STARD4: variants seen among roughly 807,000 people sequenced by gnomAD.
STARD4 encodes the protein stAR-related lipid transfer protein 4.
A neutral mutation model predicts 24.9 loss-of-function variants in STARD4; 33 were observed. That is an observed-to-expected ratio of 1.32 (90% CI 1.00 to 1.77). The LOEUF is 1.77. STARD4 is among the 40% of genes most tolerant of loss of function. The pLI, the probability that STARD4 is intolerant of heterozygous loss-of-function variation, is 0.00. For synonymous variants in STARD4, 88 were observed against 77.4 expected (o/e 1.14, Z -0.72); for missense variants, 238 against 249.3 (o/e 0.95, Z 0.31).
Position 111,501,128 on chromosome 5 carries a change from G to C in STARD4, c.283-12C>G. 1.3e-6 allele frequency: 2 copies of C among 1,584,616 alleles called. No individual in the cohort carries two copies. The highest frequency in any genetic ancestry group is 8.5e-7 in the Non-Finnish European group (1 of 1,170,488). On this transcript the variant is annotated splice_polypyrimidine_tract_variant and intron_variant, in intron 4 of 5. Coordinates refer to ENST00000296632, the MANE Select transcript of STARD4 (RefSeq NM_139164.3). The stretch of plus-strand genomic sequence containing the variant: ...ATCACACAGCAATTCTGAAAAAGAA[G>C]AGATAAGACAAGTGTTACTACTATA...
At chr5:111,511,452 G>C (rs532206389) in intron 1 of STARD4, among the ~76,000 whole-genome samples, 1 of 152,170 alleles carries the variant, frequency 6.6e-6, no homozygotes. Context: ...TTTCATTATG[G>C]TAAAGGAATT....
At chr5:111,500,721 T>G in intron 5 of STARD4, 1 of 1,388,924 alleles carries the variant, frequency 7.2e-7, no homozygotes, top group Non-Finnish European at 9.2e-7. Flanking sequence ...TAGAAGAAAA[T>G]CCATTTACTA....
chr5:111,502,954 G>A (rs1756575791), intron 3 of STARD4, among the ~76,000 whole-genome samples: 1 of 152,062 alleles, frequency 6.6e-6, no homozygotes, highest in Admixed American at 6.5e-5. Flanking sequence ...GTGTCATAAT[G>A]AAGATAATAA....
chr5:111,506,420 T>C (rs773985152), intron 2 of STARD4, 41 bp from the exon 3 acceptor site: 1 of 1,013,712 alleles, frequency 9.9e-7, no homozygotes. Context: ...ATTGCATAGG[T>C]GGAACCCTAG....
rs1202329373 is a variant in STARD4 at position 111,499,064 on chromosome 5, A to C, written c.*822T>G. The C allele has an allele frequency of 6.6e-6, 1 of 152,196 alleles. No individual in the cohort carries two copies. Among genetic ancestry groups the C allele is most frequent in the African/African-American group, 2.4e-5 (1 of 41,442 alleles). The allele number at this position is 152,196 out of a possible 1,614,324, so 9.4% of individuals were successfully genotyped here. On this transcript the variant is annotated 3_prime_UTR_variant, in exon 6 of 6. Coordinates refer to ENST00000296632, the MANE Select transcript of STARD4 (RefSeq NM_139164.3). ...CTAACACATAAACAACTAACATTAA[A>C]CACGGAAATGGATTTCGAGATGTGT...
rs746483714 is a variant in STARD4, at chr5:111,497,281, C to G, written c.*2605G>C. On this transcript the variant is annotated 3_prime_UTR_variant, in exon 6 of 6. Coordinates refer to ENST00000296632, the MANE Select transcript of STARD4 (RefSeq NM_139164.3). ...TATCTCATTGACAACTGATTTATATCTAAAGTTTAGATGTCCTATTTATCA... is the reference window on the plus strand; with the variant it reads ...TATCTCATTGACAACTGATTTATATGTAAAGTTTAGATGTCCTATTTATCA... 1 of 151,898 alleles carries G rather than the reference C, an allele frequency of 6.6e-6. No homozygotes were observed. Among genetic ancestry groups the G allele is most frequent in the Non-Finnish European group, 1.5e-5 (1 of 67,900 alleles). 9.4% of individuals were successfully genotyped at this position (151,898 alleles called of 1,614,324 possible). A position where few individuals can be genotyped will look rare whatever the true frequency, so the allele number is the denominator to read the frequency against.
intron 1 of STARD4, among the ~76,000 whole-genome samples, chr5:111,508,024 A>C (rs892838318): frequency 6.6e-6 from 1 of 152,106 alleles, no homozygotes; most frequent in African/African-American, 2.4e-5. Context: ...AGTATTCTAC[A>C]CTGGTTTTCT....
At chr5:111,500,574 A>G in intron 5 of STARD4, 1 of 1,088,570 alleles carries the variant, frequency 9.2e-7, no homozygotes, top group Non-Finnish European at 1.1e-6. Context: ...TTTAGAAAAC[A>G]GGAGCCTTCC....
intron 5 of STARD4, chr5:111,500,767 T>C (rs1756377285): frequency 7.0e-7 from 1 of 1,431,638 alleles, no homozygotes; most frequent in Non-Finnish European, 9.1e-7. Flanking sequence ...TGATCCACAT[T>C]TGCTACCTCT....
rs1756143339 is a variant in STARD4 at position 111,497,179 on chromosome 5, T to C, written c.*2707A>G. 1 of 152,002 alleles carries C rather than the reference T, an allele frequency of 6.6e-6. No individual in the cohort carries two copies. Among genetic ancestry groups the C allele is most frequent in the African/African-American group, 2.4e-5 (1 of 41,426 alleles). 9.4% of individuals were successfully genotyped at this position (152,002 alleles called of 1,614,324 possible). On this transcript the variant is annotated 3_prime_UTR_variant, in exon 6 of 6. Coordinates refer to ENST00000296632, the MANE Select transcript of STARD4 (RefSeq NM_139164.3). ...GTCAACCATTTAACAAGAAGGCAGATTATATTCTTTCATTTCACCAACTGC... is the reference window on the plus strand; with the variant it reads ...GTCAACCATTTAACAAGAAGGCAGACTATATTCTTTCATTTCACCAACTGC...
intron 5 of STARD4, 36 bp from the exon 6 acceptor site, chr5:111,500,142 C>A: frequency 6.6e-7 from 1 of 1,517,330 alleles, no homozygotes. Flanking sequence ...CTATTAATAG[C>A]AATAACTGAC....
rs1756918534 is a variant in STARD4, at chr5:111,507,133, C to T, written c.105+196G>A. Among the ~76,000 whole-genome samples, 1 of 152,152 alleles carries T rather than the reference C, an allele frequency of 6.6e-6. No individual in the cohort carries two copies. The highest frequency in any genetic ancestry group is 2.1e-4 in the South Asian group (1 of 4,826). On this transcript the variant is annotated intron_variant, in intron 2 of 5. Coordinates refer to ENST00000296632, the MANE Select transcript of STARD4 (RefSeq NM_139164.3). The surrounding 1 kb of genome is among the most constrained non-coding windows in gnomAD (Gnocchi z 4.4). ...CTAATATCCAAAGAGCTAATGAAAGCAGTATAGGATTACCACTGATGCATT... is the reference window on the plus strand; with the variant it reads ...CTAATATCCAAAGAGCTAATGAAAGTAGTATAGGATTACCACTGATGCATT...
chr5:111,503,372 T>G (rs1756607815), intron 3 of STARD4, among the ~76,000 whole-genome samples: 1 of 152,198 alleles, frequency 6.6e-6, no homozygotes, highest in African/African-American at 2.4e-5. Context: ...GGCTCATGCC[T>G]GTAATCCCAG....
chr5:111,500,874 TGC>T (rs1435882178), intron 5 of STARD4, 126 bp downstream of exon 5: 2 of 1,584,108 alleles, frequency 1.3e-6, no homozygotes, highest in Admixed American at 4.0e-5. Flanking sequence ...GTTTAGCACT[TGC>T]AAAAAATGTT....
intron 5 of STARD4, 70 bp from the exon 6 acceptor site, chr5:111,500,176 T>C (rs1278149846): frequency 7.0e-7 from 1 of 1,428,444 alleles, no homozygotes; most frequent in Non-Finnish European, 9.2e-7. Flanking sequence ...TTTAAAATAT[T>C]ACCAGAATTC....
rs777232608 is a variant in STARD4, at chr5:111,500,998, T to C, written c.397+4A>G. 13 of 1,613,796 alleles carry C rather than the reference T, an allele frequency of 8.1e-6. No homozygotes were observed. Among genetic ancestry groups the C allele is most frequent in the African/African-American group, 1.3e-5 (1 of 75,008 alleles). On this transcript the variant is annotated splice_donor_region_variant and intron_variant, in intron 5 of 5. Coordinates refer to ENST00000296632, the MANE Select transcript of STARD4 (RefSeq NM_139164.3). ...AAAAAAGCATAACATGTTGAGATTA[T>C]TACCACAAGATAAAAGCCCTTCTTT...
At chr5:111,506,091 G>A (rs1164077054) in intron 3 of STARD4, 1 of 240,728 alleles carries the variant, frequency 4.2e-6, no homozygotes, top group Non-Finnish European at 7.9e-6. Context: ...CTACTCGGGA[G>A]GCTGAGGCAG....
chr5:111,499,715 C>G lies in STARD4; in HGVS notation c.*171G>C, dbSNP rs1181992751. The G allele has an allele frequency of 3.8e-5, 24 of 632,174 alleles. No homozygotes were observed. Among genetic ancestry groups the G allele is most frequent in the Non-Finnish European group, 5.4e-6 (2 of 370,548 alleles). The allele number at this position is 632,174 out of a possible 1,614,324, so 39.2% of individuals were successfully genotyped here. ...AAAAAAAAAAAAGTGAAAATGCCCT[C>G]TCTTAGATAGCTATTTACTTTAGGA... On this transcript the variant is annotated 3_prime_UTR_variant, in exon 6 of 6. Transcript: ENST00000296632.
At chr5:111,501,824 G>T in intron 4 of STARD4, 138 bp downstream of exon 4, 1 of 1,197,114 alleles carries the variant, frequency 8.4e-7, no homozygotes, top group Non-Finnish European at 1.2e-6. Flanking sequence ...ACTCCCCTGT[G>T]ATATCTTTGT....
Sources: gnomAD v4.1 joint callset for allele counts (sites outside exome capture counted in the v4.1 genomes callset) on GRCh38, gnomAD v4.1.1 for gene constraint, Gnocchi (gnomAD v3.1) non-coding constraint, MANE v1.5 for transcripts, NCBI Gene and HGNC (gene_info 2026-07-23, HGNC 2026-07-21) for gene names.